The following SYTL5 variants were observed in gnomAD, a reference collection of about 807,000 sequenced individuals.
SYTL5 encodes the protein synaptotagmin like 5, also known as synaptotagmin-like protein 5.
A neutral mutation model predicts 55.9 loss-of-function variants in SYTL5; 34 were observed. That is an observed-to-expected ratio of 0.61 (90% CI 0.46 to 0.81). The LOEUF (loss-of-function observed/expected upper bound fraction) is 0.81. Ranked by LOEUF, SYTL5 falls within the 30% of genes least tolerant of loss-of-function variation. The pLI, the probability that SYTL5 is intolerant of heterozygous loss-of-function variation, is 0.00. For synonymous variants in SYTL5, 221 were observed against 188.7 expected (o/e 1.17, Z -1.40); for missense variants, 637 against 546.7 (o/e 1.17, Z -1.65).
chrX:38,040,457 C>G (rs947038315), intron 2 of SYTL5, among the ~76,000 whole-genome samples: 1 of 106,523 alleles, frequency 9.4e-6, no homozygotes, highest in Non-Finnish European at 1.9e-5. Flanking sequence ...TTAACCATCC[C>G]CCCCCCGACC....
chrX:38,056,099 AC>A (rs1935771888), intron 3 of SYTL5, among the ~76,000 whole-genome samples: 1 of 111,472 alleles, frequency 9.0e-6, no homozygotes, highest in African/African-American at 3.3e-5. Context: ...AGCCATCTCC[AC>A]TTCCCTTGAC....
At chrX:38,106,945 T>C (rs1425040095) in intron 11 of SYTL5, among the ~76,000 whole-genome samples, 174 bp downstream of exon 11, 2 of 112,801 alleles carry the variant, frequency 1.8e-5, no homozygotes, top group Non-Finnish European at 3.7e-5. Flanking sequence ...AAATGTATAC[T>C]GGTTGTGTCT....
the SYTL5 span, among the ~76,000 whole-genome samples, chrX:37,982,205 T>C: frequency 2.7e-5 from 3 of 111,680 alleles, no homozygotes; most frequent in Non-Finnish European, 5.6e-5. Context: ...CCACATCAAA[T>C]AGAGTTTACT....
intron 3 of SYTL5, among the ~76,000 whole-genome samples, chrX:38,066,542 G>T (rs1343582099): frequency 9.0e-6 from 1 of 111,412 alleles, no homozygotes; most frequent in Non-Finnish European, 1.9e-5. Context: ...TCAAATACTA[G>T]ATTGACATGA....
chrX:37,943,449 C>A, the SYTL5 span, among the ~76,000 whole-genome samples: 1 of 111,022 alleles, frequency 9.0e-6, no homozygotes, highest in Non-Finnish European at 1.9e-5. Context: ...GGATTTACAA[C>A]CAAGGAGCAG....
Position 38,089,472 on chromosome X carries a change from A to G in SYTL5, c.716A>G (p.Asn239Ser), listed in dbSNP as rs1936741121. The G allele has an allele frequency of 1.7e-6, 2 of 1,209,776 alleles. No homozygotes were observed. The highest frequency in any genetic ancestry group is 2.2e-6 in the Non-Finnish European group (2 of 894,752). The change falls in exon 7 of 17, where the codon AAT becomes AGT. Residue 239 changes from asparagine to serine, a missense_variant. Coordinates refer to ENST00000297875, the MANE Select transcript of SYTL5 (RefSeq NM_138780.3). Reference sequence around the variant, plus strand: ...GGAAGCACTGGCTCATCAGATCTCAATGACCAGGAACCTGGTCCTAGGACC... The same window carrying G: ...GGAAGCACTGGCTCATCAGATCTCAGTGACCAGGAACCTGGTCCTAGGACC... ...DRGSTGSSDLNDQEPGPRTPK... is the reference protein window; with the variant it reads ...DRGSTGSSDLSDQEPGPRTPK...
chrX:38,098,580 C>G (rs1406982043), intron 9 of SYTL5, among the ~76,000 whole-genome samples: 1 of 110,144 alleles, frequency 9.1e-6, no homozygotes, highest in East Asian at 2.8e-4. Flanking sequence ...TTGGAACCCC[C>G]CTACATTGCT....
the SYTL5 span, among the ~76,000 whole-genome samples, chrX:37,940,669 A>G: frequency 1.9e-5 from 2 of 107,967 alleles, no homozygotes; most frequent in African/African-American, 6.7e-5. Context: ...ATGAAAATCA[A>G]TCTAGGTGTA....
chrX:38,037,470 GAAATATA>G (rs1431622506), intron 2 of SYTL5, among the ~76,000 whole-genome samples: 1 of 111,924 alleles, frequency 8.9e-6, no homozygotes, highest in Non-Finnish European at 1.9e-5. Context: ...CGTTTCAGGG[GAAATATA>G]ATAAGTCTGC....
the SYTL5 span, among the ~76,000 whole-genome samples, chrX:37,957,068 T>C: frequency 8.9e-6 from 1 of 112,204 alleles, no homozygotes; most frequent in Non-Finnish European, 1.9e-5. Context: ...ATATGCCTCA[T>C]GGCCATTCGT....
At chrX:37,976,015 G>T in the SYTL5 span, among the ~76,000 whole-genome samples, 1 of 111,859 alleles carries the variant, frequency 8.9e-6, no homozygotes, top group Non-Finnish European at 1.9e-5. Context: ...TGCAGGGGGT[G>T]AGAAACCTGT....
the SYTL5 span, among the ~76,000 whole-genome samples, chrX:37,958,065 C>T: frequency 0.01 from 1,114 of 110,652 alleles, 15 homozygotes; most frequent in Middle Eastern, 0.019. Context: ...AAAAATTAGC[C>T]AGGTGGAGTA....
the SYTL5 span, among the ~76,000 whole-genome samples, chrX:37,999,534 GA>G: frequency 3.6e-5 from 4 of 111,885 alleles, no homozygotes; most frequent in Non-Finnish European, 7.5e-5. Context: ...AATGTAGGAT[GA>G]AAATAATTCA....
chrX:37,983,343 A>C, the SYTL5 span, among the ~76,000 whole-genome samples: 8 of 112,156 alleles, frequency 7.1e-5, no homozygotes, highest in Non-Finnish European at 1.5e-4. Context: ...ATGGCAAAAC[A>C]TAATCGTGCA....
the SYTL5 span, among the ~76,000 whole-genome samples, chrX:37,927,182 A>G: frequency 8.9e-6 from 1 of 112,401 alleles, no homozygotes; most frequent in Non-Finnish European, 1.9e-5. Context: ...ATTTCAATCA[A>G]CCTAAAAGTT....
Position 38,045,769 on chromosome X carries a change from C to T in SYTL5, c.120-8444C>T, listed in dbSNP as rs777426612. Among the ~76,000 whole-genome samples, 4 of 112,118 alleles carry T rather than the reference C, an allele frequency of 3.6e-5. No homozygotes were observed. In the South Asian group the frequency reaches 1.5e-3, roughly 42 times the overall value. On this transcript the variant is annotated intron_variant, in intron 2 of 16. Coordinates refer to ENST00000297875, the MANE Select transcript of SYTL5 (RefSeq NM_138780.3). The stretch of plus-strand genomic sequence containing the variant: ...AGAGAGTTGTGATTCTTTTTAATAG[C>T]CTTTGATTTGAAAACTAATCAAAAG...
chrX:37,954,423 T>C, the SYTL5 span, among the ~76,000 whole-genome samples: 4 of 111,738 alleles, frequency 3.6e-5, no homozygotes, highest in African/African-American at 9.8e-5. Context: ...GTTGGTGCTT[T>C]GATGAGTTCA....
At chrX:37,898,057 G>A in the SYTL5 span, among the ~76,000 whole-genome samples, 3 of 111,339 alleles carry the variant, frequency 2.7e-5, no homozygotes, top group East Asian at 2.8e-4. Context: ...AAGATCACGC[G>A]CCACTGCACT....
the SYTL5 span, among the ~76,000 whole-genome samples, chrX:37,924,657 T>A: frequency 9.0e-6 from 1 of 111,548 alleles, no homozygotes; most frequent in African/African-American, 3.2e-5. Context: ...AACCTCTTTT[T>A]TACTTCATTT....
Sources: gnomAD v4.1 joint callset for allele counts (sites outside exome capture counted in the v4.1 genomes callset) on GRCh38, gnomAD v4.1.1 for gene constraint, MANE v1.5 for transcripts, NCBI Gene and HGNC (gene_info 2026-07-23, HGNC 2026-07-21) for gene names.